The following NWD2 variants were observed in gnomAD, a reference collection of about 807,000 sequenced individuals.
NWD2 encodes the protein NACHT and WD repeat domain-containing protein 2.
In NWD2, 37 loss-of-function variants were observed where a neutral mutation model predicts 132.7. The observed-to-expected ratio is 0.28, with a 90% CI of 0.21 to 0.37. NWD2 has a LOEUF of 0.37. NWD2 is among the 10% of genes least tolerant of loss of function. The pLI is 1.00. For missense variants in NWD2, 1,592 were observed against 2,122.4 expected (o/e 0.75, Z 4.91); for synonymous variants, 705 against 803.0 (o/e 0.88, Z 2.06).
chr4:37,362,432 A>G (rs1163164329), intron 3 of NWD2, among the ~76,000 whole-genome samples: 3 of 152,222 alleles, frequency 2.0e-5, no homozygotes, highest in Non-Finnish European at 4.4e-5. Context: ...CTATAAGGCT[A>G]CAGTAACCCA....
rs140815782 is a variant in NWD2, at chr4:37,412,809, G to A, written c.358-17763G>A. On this transcript the variant is annotated intron_variant, in intron 3 of 6. Transcript: ENST00000309447. Reference sequence around the variant, plus strand: ...TATAGACCAATAGAACAGAACACAGGCCTCAGAAATAACACCACACATCTA... The same window carrying A: ...TATAGACCAATAGAACAGAACACAGACCTCAGAAATAACACCACACATCTA... Among the ~76,000 whole-genome samples the A allele has an allele frequency of 2.3e-3, 357 of 152,176 alleles. 3 individuals carry two copies. The highest frequency in any genetic ancestry group is 6.7e-3 in the African/African-American group (277 of 41,526).
intron 3 of NWD2, among the ~76,000 whole-genome samples, chr4:37,427,635 C>T (rs1712042296): frequency 6.6e-6 from 1 of 152,130 alleles, no homozygotes; most frequent in South Asian, 2.1e-4. Context: ...ATGTGGCATC[C>T]CTCCATTCTA....
chr4:37,301,839 T>G (rs16993420), intron 1 of NWD2, among the ~76,000 whole-genome samples: 5 of 152,050 alleles, frequency 3.3e-5, no homozygotes, highest in African/African-American at 1.2e-4. Context: ...TTGTCTTGAT[T>G]TTTATGTGTG....
chr4:37,254,098 G>A (rs1717455735), intron 1 of NWD2, among the ~76,000 whole-genome samples: 1 of 152,152 alleles, frequency 6.6e-6, no homozygotes, highest in Admixed American at 6.5e-5. Context: ...TAACTAATGG[G>A]TAGTATGCTT....
intron 2 of NWD2, among the ~76,000 whole-genome samples, chr4:37,345,782 T>C (rs139688928): frequency 1.1e-3 from 172 of 152,244 alleles, no homozygotes; most frequent in Admixed American, 2.5e-3. Context: ...GAATCCAAGC[T>C]CACAAAGATT....
intron 3 of NWD2, 80 bp downstream of exon 3, chr4:37,356,562 G>A (rs533917776): frequency 5.3e-6 from 5 of 944,688 alleles, no homozygotes; most frequent in Non-Finnish European, 8.1e-6. Context: ...TTCATAAGGG[G>A]TTTTTTAAAT....
intron 2 of NWD2, among the ~76,000 whole-genome samples, chr4:37,326,452 T>C (rs1719174915): frequency 6.6e-6 from 1 of 152,176 alleles, no homozygotes; most frequent in South Asian, 2.1e-4. Context: ...TTTAACTTTT[T>C]ATTCACATTG....
intron 3 of NWD2, among the ~76,000 whole-genome samples, chr4:37,372,556 G>A (rs1395202171): frequency 6.6e-6 from 1 of 152,214 alleles, no homozygotes; most frequent in African/African-American, 2.4e-5. Context: ...CAAACTACAA[G>A]TTATCTGGAC....
chr4:37,322,744 C>T (rs1259318477), intron 1 of NWD2, among the ~76,000 whole-genome samples: 1 of 152,100 alleles, frequency 6.6e-6, no homozygotes, highest in Non-Finnish European at 1.5e-5. Context: ...TGGCTTGCAT[C>T]TGGTAGCAGA....
At chr4:37,348,330 A>G (rs1719680013) in intron 2 of NWD2, among the ~76,000 whole-genome samples, 1 of 152,050 alleles carries the variant, frequency 6.6e-6, no homozygotes, top group Non-Finnish European at 1.5e-5. Flanking sequence ...TAGTTTTCCC[A>G]CATAAATCAC....
chr4:37,311,579 T>A (rs1718842835), intron 1 of NWD2, among the ~76,000 whole-genome samples: 1 of 149,286 alleles, frequency 6.7e-6, no homozygotes, highest in South Asian at 2.1e-4. Flanking sequence ...TCCCATTTTG[T>A]AGGTTGCCTG....
chr4:37,310,335 T>C (rs1389206475), intron 1 of NWD2, among the ~76,000 whole-genome samples: 1 of 152,204 alleles, frequency 6.6e-6, no homozygotes, highest in Non-Finnish European at 1.5e-5. Flanking sequence ...GTTTTTAGTG[T>C]GATGTTTGCA....
chr4:37,372,558 T>A (rs1278751938), intron 3 of NWD2, among the ~76,000 whole-genome samples: 4 of 152,242 alleles, frequency 2.6e-5, no homozygotes, highest in African/African-American at 7.2e-5. Context: ...AACTACAAGT[T>A]ATCTGGACCA....
chr4:37,323,192 G>T (rs1719103096), intron 1 of NWD2, among the ~76,000 whole-genome samples: 1 of 152,154 alleles, frequency 6.6e-6, no homozygotes, highest in East Asian at 1.9e-4. Context: ...CTACTGGCCT[G>T]CAGGAAGCAG....
rs935576933 is a variant in NWD2, at chr4:37,312,715, A to G, written c.152-13221A>G. Among the ~76,000 whole-genome samples the G allele has an allele frequency of 9.9e-5, 15 of 151,140 alleles. 1 individual carries two copies. Among genetic ancestry groups the G allele is most frequent in the African/African-American group, 3.7e-4 (15 of 40,428 alleles). On this transcript the variant is annotated intron_variant, in intron 1 of 6. Coordinates refer to ENST00000309447, the MANE Select transcript of NWD2 (RefSeq NM_001144990.2). ...GCATCCCTGTCTTGTGCCAGTTTTC[A>G]AAGGGAATGCTTCCAGTTTTTGCCC... is the stretch of plus-strand genomic sequence containing the variant.
At chr4:37,263,671 A>G (rs1010790801) in intron 1 of NWD2, among the ~76,000 whole-genome samples, 41 of 124,366 alleles carry the variant, frequency 3.3e-4, no homozygotes, top group African/African-American at 1.2e-3. Context: ...GATTTAGAGT[A>G]GAAGTAGAAT....
intron 3 of NWD2, among the ~76,000 whole-genome samples, chr4:37,361,424 C>CA (rs1420941494): frequency 2.0e-5 from 3 of 151,870 alleles, no homozygotes; most frequent in Non-Finnish European, 2.9e-5. Flanking sequence ...AACATAGATG[C>CA]AAAAAAACCT....
chr4:37,335,594 G>T (rs1719391205), intron 2 of NWD2, among the ~76,000 whole-genome samples: 1 of 152,042 alleles, frequency 6.6e-6, no homozygotes, highest in African/African-American at 2.4e-5. Flanking sequence ...GGCAGGAGGT[G>T]AGCAGTGAGG....
Position 37,416,182 on chromosome 4 carries a change from G to A in NWD2, c.358-14390G>A, listed in dbSNP as rs996698068. ...AGGCATTGTGCAATGTATCCAGGCCGGGGTAGGGACCGAGCCAACTGGACA... is the reference window on the plus strand; with the variant it reads ...AGGCATTGTGCAATGTATCCAGGCCAGGGTAGGGACCGAGCCAACTGGACA... On this transcript the variant is annotated intron_variant, in intron 3 of 6. Transcript: ENST00000309447. 4.6e-5 allele frequency among the ~76,000 whole-genome samples: 7 copies of A among 152,208 alleles called. No individual in the cohort carries two copies. The South Asian group carries it at 6.2e-4, about 14-fold the overall frequency.
Sources: gnomAD v4.1 joint callset for allele counts (sites outside exome capture counted in the v4.1 genomes callset) on GRCh38, gnomAD v4.1.1 for gene constraint, MANE v1.5 for transcripts, NCBI Gene and HGNC (gene_info 2026-07-23, HGNC 2026-07-21) for gene names.